CACNA2D4: variants seen among roughly 807,000 people sequenced by gnomAD.
The protein encoded by CACNA2D4 is calcium voltage-gated channel auxiliary subunit alpha2delta 4, also known as voltage-dependent calcium channel subunit alpha-2/delta-4.
In CACNA2D4, 157 loss-of-function variants were observed where a neutral mutation model predicts 163.8. That is an observed-to-expected ratio of 0.96 (90% confidence interval 0.84 to 1.09). CACNA2D4 has a LOEUF of 1.09. Ranked by LOEUF, CACNA2D4 falls within the 50% of genes least tolerant of loss-of-function variation. The probability of loss-of-function intolerance (pLI) is 0.00; values close to 1 mark genes in which losing one functional copy is unlikely to be tolerated. For missense variants in CACNA2D4, 1,410 were observed against 1,479.9 expected, an observed-to-expected ratio of 0.95 and a Z score of 0.78; for synonymous variants, 598 against 586.9, an observed-to-expected ratio of 1.02 and a Z score of -0.27.
intron 19 of CACNA2D4, 108 bp from the exon 20 acceptor site, chr12:1,858,752 C>T (rs1221380721): frequency 1.3e-6 from 1 of 744,800 alleles, no homozygotes. Context: ...CTTTTTGTAC[C>T]CACGACGAGT....
At chr12:1,827,805 G>A (rs1482762999) in intron 26 of CACNA2D4, 3 of 297,282 alleles carry the variant, frequency 1.0e-5, no homozygotes, top group Non-Finnish European at 1.2e-5. Context: ...CAAGAAGGCA[G>A]ATGAGGCTGG....
intron 26 of CACNA2D4, among the ~76,000 whole-genome samples, chr12:1,816,089 G>A (rs1395399151): frequency 6.6e-6 from 1 of 152,124 alleles, no homozygotes; most frequent in African/African-American, 2.4e-5. Context: ...CAGACACCCA[G>A]GGAACCGAGT....
In CACNA2D4 at chr12:1,901,199, A is replaced by AC. The variant is rs1267973142; in HGVS notation, c.781+6240dup. On this transcript the variant is annotated intron_variant, in intron 6 of 37. Transcript: ENST00000382722. ...CTAAAACCTGTGGGATACAGCAAAA[A>AC]CAGTACTAAGATGGAAGTTTGTAGC... is the stretch of plus-strand genomic sequence containing the variant. Among the ~76,000 whole-genome samples the AC allele has an allele frequency of 2.6e-5, 4 of 152,270 alleles. No homozygotes were observed. The East Asian group carries it at 5.8e-4, about 22-fold the overall frequency.
In CACNA2D4 at chr12:1,883,099, G is replaced by C. The variant is rs79864920; in HGVS notation, c.1352-99C>G. ...CCCCAGCTGCAGATGGCTCATAGCC[G>C]AATACTCTCTGGAAACTGGACCGGG... On this transcript the variant is annotated intron_variant, in intron 12 of 37. Transcript: ENST00000382722. This position sits in a 1 kb window ranked among gnomAD's most constrained non-coding sequence, Gnocchi z 4.5. The C allele has an allele frequency of 2.3e-6, 3 of 1,320,420 alleles. No individual in the cohort carries two copies. In the African/African-American group the frequency reaches 4.4e-5, roughly 19 times the overall value. The allele number at this position is 1,320,420 out of a possible 1,614,324, so 81.8% of individuals were successfully genotyped here.
At position 1,882,777 on chromosome 12, in the gene CACNA2D4, C is replaced by G. The variant is rs887171839; in HGVS notation, c.1485+90G>C. ...TCCCTAAGGAGGTGCTAGGCCCACC[C>G]CTTTCCTGACCCAGGAAGTAACTTC... On this transcript the variant is annotated intron_variant, in intron 13 of 37. Transcript: ENST00000382722. The G allele has an allele frequency of 2.4e-5, 34 of 1,402,410 alleles. No homozygotes were observed. The Admixed American group carries it at 3.3e-4, about 14-fold the overall frequency. The allele number at this position is 1,402,410 out of a possible 1,614,324, so 86.9% of individuals were successfully genotyped here.
chr12:1,803,816 G>C (rs1490772936), intron 29 of CACNA2D4, among the ~76,000 whole-genome samples: 1 of 152,240 alleles, frequency 6.6e-6, no homozygotes, highest in Non-Finnish European at 1.5e-5. Flanking sequence ...CTTCAGACTA[G>C]TTTGCATGGA....
At chr12:1,915,094 A>G (rs758057653) in intron 1 of CACNA2D4, 159 bp from the exon 2 acceptor site, 2 of 712,904 alleles carry the variant, frequency 2.8e-6, no homozygotes, top group East Asian at 5.3e-5. Flanking sequence ...CATAATGCAT[A>G]AGAAATGCAC....
At chr12:1,860,051 C>A in intron 19 of CACNA2D4, 94 bp downstream of exon 19, 1 of 997,360 alleles carries the variant, frequency 1.0e-6, no homozygotes, top group East Asian at 2.5e-5. Flanking sequence ...TGACCTGGGT[C>A]TTTTGCTATT....
At chr12:1,893,081 A>T (rs527612598) in intron 6 of CACNA2D4, among the ~76,000 whole-genome samples, 2 of 152,328 alleles carry the variant, frequency 1.3e-5, no homozygotes, top group African/African-American at 4.8e-5. Flanking sequence ...CATTATGTAG[A>T]TAATTTAGAC....
rs3078857 is a variant in CACNA2D4 at position 1,850,881 on chromosome 12, CAAAA to C, written c.2246+3066_2246+3069del. Among the ~76,000 whole-genome samples, 174 of 130,822 alleles carry C rather than the reference CAAAA, an allele frequency of 1.3e-3. 1 individual carries two copies. In the East Asian group the frequency reaches 0.023, roughly 17 times the overall value. The allele number at this position is 130,822 out of a possible 152,430, so 85.8% of individuals were successfully genotyped here. On this transcript the variant is annotated intron_variant, in intron 23 of 37. Transcript: ENST00000382722. ...TGGGCGACAGAGCGAGACTCCGTCT[CAAAA>C]AAAAAAAAAAAAAAATAGATGAGGT...
intron 6 of CACNA2D4, among the ~76,000 whole-genome samples, chr12:1,903,467 CATCT>C (rs1362116723): frequency 2.6e-5 from 4 of 151,840 alleles, no homozygotes; most frequent in Non-Finnish European, 5.9e-5. Flanking sequence ...AACTCCTATC[CATCT>C]GAGAAGGGAT....
At chr12:1,915,252 C>A in intron 1 of CACNA2D4, 1 of 702,642 alleles carries the variant, frequency 1.4e-6, no homozygotes, top group Non-Finnish European at 2.6e-6. Context: ...ACGCGGAGAA[C>A]CCTCAGGACC....
intron 26 of CACNA2D4, chr12:1,831,147 C>T (rs761977925): frequency 6.2e-7 from 1 of 1,614,066 alleles, no homozygotes; most frequent in East Asian, 2.2e-5. Flanking sequence ...CCTCTCCAGC[C>T]TGCAGCGGTT....
rs1555185537 is a variant in CACNA2D4 at position 1,885,055 on chromosome 12, C to T, written c.1090G>A (p.Glu364Lys). ...NREHFKLLVE[E>K]LMVKGVGVVD... ...ACCCCCACACCTTTGACCATCAACT[C>T]CTCCACCAGCAGTTTGAAATGCTGC... is the stretch of plus-strand genomic sequence containing the variant. Residue 364 changes from glutamate to lysine, a missense_variant, in exon 10 of 38, where the codon GAG becomes AAG. Physicochemically the swap from Glu to Lys is moderately conservative, Grantham distance 56. Transcript: ENST00000382722. 6.2e-7 allele frequency: 1 copy of T among 1,613,986 alleles called. No homozygotes were observed. Among genetic ancestry groups the T allele is most frequent in the Non-Finnish European group, 8.5e-7 (1 of 1,179,872 alleles).
Position 1,840,154 on chromosome 12 carries a change from C to T in CACNA2D4, c.2551+585G>A, listed in dbSNP as rs1328673159. 5.9e-5 allele frequency among the ~76,000 whole-genome samples: 9 copies of T among 152,244 alleles called. No homozygotes were observed. In the East Asian group the frequency reaches 1.4e-3, roughly 23 times the overall value. On this transcript the variant is annotated intron_variant, in intron 26 of 37. Transcript: ENST00000382722. ...CTAACAGAGGCCCACGCAATTTCAG[C>T]GCTGCTGGTCTTCAGGTCATCTTTT...
intron 6 of CACNA2D4, among the ~76,000 whole-genome samples, chr12:1,905,105 A>G (rs1263100792): frequency 6.6e-6 from 1 of 152,142 alleles, no homozygotes; most frequent in Admixed American, 6.5e-5. Context: ...AACATAATGA[A>G]GGGAAAAAAT....
At position 1,793,016 on chromosome 12, in the gene CACNA2D4, T is replaced by C. The variant is rs556140298; in HGVS notation, c.*639A>G. 2.0e-5 allele frequency: 3 copies of C among 152,430 alleles called. No individual in the cohort carries two copies. Among genetic ancestry groups the C allele is most frequent in the Admixed American group, 6.5e-5 (1 of 15,312 alleles). The allele number at this position is 152,430 out of a possible 1,614,324, so 9.4% of individuals were successfully genotyped here. ...GACATCACGTGTAGCCCTGTCGATA[T>C]TTCCTGAATGGATTTCATTCCTTTC... On this transcript the variant is annotated 3_prime_UTR_variant, in exon 38 of 38. Coordinates refer to ENST00000382722, the MANE Select transcript of CACNA2D4 (RefSeq NM_172364.5).
intron 13 of CACNA2D4, among the ~76,000 whole-genome samples, chr12:1,881,389 C>A (rs1865993263): frequency 6.6e-6 from 1 of 152,242 alleles, no homozygotes; most frequent in Non-Finnish European, 1.5e-5. Flanking sequence ...ACACTCCAGG[C>A]CACCTTCAGC....
rs1864456513 is a variant in CACNA2D4, at chr12:1,828,386, G to C, written c.2551+12353C>G. Among the ~76,000 whole-genome samples the C allele has an allele frequency of 1.3e-5, 2 of 152,226 alleles. No individual in the cohort carries two copies. The highest frequency in any genetic ancestry group is 4.8e-5 in the African/African-American group (2 of 41,470). On this transcript the variant is annotated intron_variant, in intron 26 of 37. Transcript: ENST00000382722. The surrounding 1 kb of genome is among the most constrained non-coding windows in gnomAD (Gnocchi z 4.2). ...CTGGGAAGCCAGGGTCACGCCCACGGTGACAGCATCCCTGCCAGTCAGAGT... is the reference window on the plus strand; with the variant it reads ...CTGGGAAGCCAGGGTCACGCCCACGCTGACAGCATCCCTGCCAGTCAGAGT...
Sources: allele counts gnomAD v4.1 joint callset (sites outside exome capture counted in the v4.1 genomes callset), GRCh38; gene constraint gnomAD v4.1.1; non-coding constraint Gnocchi (gnomAD v3.1); transcripts MANE v1.5; gene names NCBI Gene and HGNC (gene_info 2026-07-23, HGNC 2026-07-21).